CSGALNACT1: variants seen among roughly 807,000 people sequenced by gnomAD.
CSGALNACT1 encodes the protein beta4GalNAcT-1.
In CSGALNACT1, 52 loss-of-function variants were observed where a neutral mutation model predicts 51.0. The observed-to-expected ratio is 1.02, with a 90% CI of 0.82 to 1.29. CSGALNACT1 has a LOEUF of 1.29. CSGALNACT1 is among the 50% of genes most tolerant of loss of function. The probability of loss-of-function intolerance (pLI) is 0.00; values close to 1 mark genes in which losing one functional copy is unlikely to be tolerated. For missense variants in CSGALNACT1, 935 were observed against 679.2 expected, an observed-to-expected ratio of 1.38 and a Z score of -4.19; for synonymous variants, 341 against 254.4, an observed-to-expected ratio of 1.34 and a Z score of -3.24.
intron 2 of CSGALNACT1, among the ~76,000 whole-genome samples, chr8:19,593,236 A>G (rs993283554): frequency 2.6e-5 from 4 of 152,246 alleles, no homozygotes; most frequent in African/African-American, 9.6e-5. Flanking sequence ...AAAGCACATA[A>G]ACGCAAGTTC....
chr8:19,709,061 A>G (rs2062349348), intron 1 of CSGALNACT1, among the ~76,000 whole-genome samples: 1 of 152,152 alleles, frequency 6.6e-6, no homozygotes. Context: ...CTGTATTTTT[A>G]TGGTTATTAT....
At chr8:19,559,375 C>G (rs1290560631) in intron 3 of CSGALNACT1, among the ~76,000 whole-genome samples, 1 of 152,154 alleles carries the variant, frequency 6.6e-6, no homozygotes, top group Admixed American at 6.5e-5. Context: ...CCGCAAACAT[C>G]ATACTTAAAT....
intron 4 of CSGALNACT1, chr8:19,494,893 C>CG (rs2075165905): frequency 1.7e-5 from 1 of 58,024 alleles, no homozygotes; most frequent in Non-Finnish European, 3.4e-5. Flanking sequence ...GGGCGGGGGG[C>CG]GGGGGGCAGG....
intron 1 of CSGALNACT1, among the ~76,000 whole-genome samples, chr8:19,717,394 C>A (rs77828900): frequency 6.6e-6 from 1 of 152,192 alleles, no homozygotes; most frequent in Non-Finnish European, 1.5e-5. Context: ...AGTACAGACA[C>A]ATAACATAGC....
intron 1 of CSGALNACT1, among the ~76,000 whole-genome samples, chr8:19,732,959 A>G (rs147921063): frequency 0.02 from 2,993 of 152,340 alleles, 66 homozygotes; most frequent in Non-Finnish European, 0.032. Flanking sequence ...TTGCAATACA[A>G]AGGGAATAAA....
chr8:19,532,337 G>A (rs543764017), intron 3 of CSGALNACT1, among the ~76,000 whole-genome samples: 4 of 152,252 alleles, frequency 2.6e-5, no homozygotes, highest in African/African-American at 9.6e-5. Flanking sequence ...CAAAGCTGCA[G>A]GGCAGTGAGG....
rs1043966457 is a variant in CSGALNACT1, at chr8:19,690,662, C to T, written c.-297+67188G>A. Among the ~76,000 whole-genome samples, 3 of 152,156 alleles carry T rather than the reference C, an allele frequency of 2.0e-5. No individual in the cohort carries two copies. The South Asian group carries it at 6.2e-4, about 32-fold the overall frequency. ...TGTTTAAAAATACATGGCTGGAATT[C>T]ACATTTGCAGTTTGCAGATGGAGCA... is the stretch of plus-strand genomic sequence containing the variant. On this transcript the variant is annotated intron_variant, in intron 1 of 1. Coordinates refer to the CSGALNACT1 transcript ENST00000517494.
intron 3 of CSGALNACT1, among the ~76,000 whole-genome samples, chr8:19,582,071 T>G (rs989558888): frequency 3.3e-5 from 5 of 152,154 alleles, no homozygotes; most frequent in Non-Finnish European, 7.3e-5. Context: ...GGACAAAAAA[T>G]ATATAATTTA....
intron 3 of CSGALNACT1, among the ~76,000 whole-genome samples, chr8:19,510,482 C>A (rs989294719): frequency 1.3e-5 from 2 of 152,112 alleles, no homozygotes; most frequent in Admixed American, 6.5e-5. Context: ...AGGCACTAAG[C>A]ACTTAGTATG....
At position 19,505,949 on chromosome 8, in the gene CSGALNACT1, CT is replaced by C; in HGVS notation, c.-116del. 8.2e-7 allele frequency: 1 copy of C among 1,221,686 alleles called. No individual in the cohort carries two copies. The highest frequency in any genetic ancestry group is 1.2e-6 in the Non-Finnish European group (1 of 851,522). The allele number at this position is 1,221,686 out of a possible 1,614,324, so 75.7% of individuals were successfully genotyped here. A position where few individuals can be genotyped will look rare whatever the true frequency, so the allele number is the denominator to read the frequency against. On this transcript the variant is annotated 5_prime_UTR_variant, in exon 4 of 10. The change abolishes the stop of an existing upstream ORF in the 5' untranslated region. Coordinates refer to ENST00000454498, the Ensembl canonical transcript of CSGALNACT1. Reference sequence around the variant, plus strand: ...CATGCGTTTGGGGCCCCCGGAGCTGCTTGCATCCATTTCCTTCTAGAACGAG... The same window carrying C: ...CATGCGTTTGGGGCCCCCGGAGCTGCTGCATCCATTTCCTTCTAGAACGAG...
intron 4 of CSGALNACT1, among the ~76,000 whole-genome samples, chr8:19,475,177 G>A (rs949358148): frequency 6.6e-6 from 1 of 152,128 alleles, no homozygotes. Flanking sequence ...CAGGCCACTT[G>A]ACCAGAGTGT....
chr8:19,637,132 G>C (rs533248712), intron 1 of CSGALNACT1, among the ~76,000 whole-genome samples: 15 of 152,306 alleles, frequency 9.8e-5, no homozygotes, highest in South Asian at 4.1e-4. Flanking sequence ...CTTGAACCCA[G>C]GAGGCAGAGG....
At position 19,524,582 on chromosome 8, in the gene CSGALNACT1, A is replaced by AT. The variant is rs887761357; in HGVS notation, c.-296-18453dup. Among the ~76,000 whole-genome samples the AT allele has an allele frequency of 1.5e-4, 22 of 151,326 alleles. No individual in the cohort carries two copies. In the East Asian group the frequency reaches 2.1e-3, roughly 15 times the overall value. On this transcript the variant is annotated intron_variant, in intron 3 of 9. Coordinates refer to ENST00000454498, the Ensembl canonical transcript of CSGALNACT1. ...CTTCCATATAGTAGGAAGAGTTGGG[A>AT]TTTTTTTTTCTTGACTCTAAGTTAA...
At chr8:19,544,824 C>T (rs1319852475) in intron 3 of CSGALNACT1, among the ~76,000 whole-genome samples, 2 of 152,178 alleles carry the variant, frequency 1.3e-5, no homozygotes, top group Non-Finnish European at 2.9e-5. Context: ...CAGACATCAT[C>T]ATTCTCCAAG....
At chr8:19,623,010 T>C (rs956352023) in intron 1 of CSGALNACT1, among the ~76,000 whole-genome samples, 1 of 152,196 alleles carries the variant, frequency 6.6e-6, no homozygotes, top group Non-Finnish European at 1.5e-5. Flanking sequence ...CATGTATACG[T>C]AGGTAACAAA....
intron 1 of CSGALNACT1, among the ~76,000 whole-genome samples, chr8:19,649,972 T>C (rs1005988552): frequency 8.1e-4 from 123 of 151,976 alleles, no homozygotes; most frequent in African/African-American, 2.8e-3. Flanking sequence ...ACATAAAACA[T>C]AAAAGGTCTG....
At chr8:19,443,576 G>A (rs1396404395) in intron 5 of CSGALNACT1, among the ~76,000 whole-genome samples, 1 of 152,078 alleles carries the variant, frequency 6.6e-6, no homozygotes, top group African/African-American at 2.4e-5. Context: ...TTGTGCAGGG[G>A]GATTCCCATT....
At chr8:19,694,726 C>T (rs1431671619) in intron 1 of CSGALNACT1, among the ~76,000 whole-genome samples, 1 of 152,218 alleles carries the variant, frequency 6.6e-6, no homozygotes, top group Non-Finnish European at 1.5e-5. Context: ...CTGAGCCCTT[C>T]TTTAGTTGCT....
intron 1 of CSGALNACT1, among the ~76,000 whole-genome samples, chr8:19,746,252 G>A (rs960186238): frequency 1.3e-5 from 2 of 152,052 alleles, no homozygotes; most frequent in African/African-American, 4.8e-5. Context: ...AGAATCCACT[G>A]TCTGTTCATC....
Sources: allele counts gnomAD v4.1 joint callset (sites outside exome capture counted in the v4.1 genomes callset), GRCh38; gene constraint gnomAD v4.1.1; transcripts MANE v1.5; gene names NCBI Gene and HGNC (gene_info 2026-07-23, HGNC 2026-07-21).